ICA1: variants seen among roughly 807,000 people sequenced by gnomAD.
ICA1 encodes the protein 69 kDa islet cell autoantigen.
Under a neutral mutation model 71.0 loss-of-function variants are expected in ICA1, and 40 were observed. The ratio of observed to expected loss-of-function variants is 0.56; its 90% confidence interval spans 0.44 to 0.73. ICA1 has a LOEUF of 0.73. Ranked by LOEUF, ICA1 falls within the 30% of genes least tolerant of loss-of-function variation. ICA1 has a pLI of 0.00. For synonymous variants in ICA1, 207 were observed against 209.5 expected (o/e 0.99, Z 0.10); for missense variants, 578 against 576.5 (o/e 1.00, Z -0.03).
At chr7:8,150,136 G>A (rs1384334100) in intron 8 of ICA1, among the ~76,000 whole-genome samples, 4 of 152,136 alleles carry the variant, frequency 2.6e-5, no homozygotes, top group African/African-American at 9.7e-5. Context: ...TAATGACAAG[G>A]CACCATACTG....
chr7:8,154,591 T>A (rs1044278466), intron 8 of ICA1, among the ~76,000 whole-genome samples: 1 of 152,224 alleles, frequency 6.6e-6, no homozygotes, highest in Non-Finnish European at 1.5e-5. Context: ...GGCTATTTGC[T>A]TAGGTAAATC....
chr7:8,258,544 T>G (rs1323231975), intron 1 of ICA1, among the ~76,000 whole-genome samples: 1 of 152,202 alleles, frequency 6.6e-6, no homozygotes, highest in Non-Finnish European at 1.5e-5. Context: ...CGGAGTATCC[T>G]CGCAATACGG....
At chr7:8,211,175 C>G (rs1028839304) in intron 6 of ICA1, among the ~76,000 whole-genome samples, 3 of 152,216 alleles carry the variant, frequency 2.0e-5, no homozygotes, top group Non-Finnish European at 2.9e-5. Context: ...GAACCCACAG[C>G]TGATTTACTT....
chr7:8,244,219 C>T (rs1293616224), intron 1 of ICA1, among the ~76,000 whole-genome samples: 5 of 152,100 alleles, frequency 3.3e-5, no homozygotes, highest in African/African-American at 1.2e-4. Flanking sequence ...AGATATAGAC[C>T]AATGGAACAG....
intron 8 of ICA1, among the ~76,000 whole-genome samples, chr7:8,148,396 C>T (rs146284398): frequency 4.6e-5 from 7 of 152,082 alleles, no homozygotes; most frequent in Admixed American, 3.9e-4. Context: ...AAAGAATTAC[C>T]TTACCTTTTT....
At chr7:8,118,560 T>C (rs1785535447) in intron 13 of ICA1, among the ~76,000 whole-genome samples, 1 of 152,206 alleles carries the variant, frequency 6.6e-6, no homozygotes, top group South Asian at 2.1e-4. Flanking sequence ...TAACATAACC[T>C]CCCTGGTTCC....
At chr7:8,184,454 T>C (rs1045522202) in intron 6 of ICA1, among the ~76,000 whole-genome samples, 3 of 152,322 alleles carry the variant, frequency 2.0e-5, no homozygotes, top group Non-Finnish European at 2.9e-5. Context: ...ATTCATATCA[T>C]GGGTCATTTT....
At chr7:8,186,993 G>T (rs1784116003) in intron 6 of ICA1, among the ~76,000 whole-genome samples, 1 of 152,048 alleles carries the variant, frequency 6.6e-6, no homozygotes, top group Non-Finnish European at 1.5e-5. Context: ...TGCTTAATAT[G>T]GACCACACTC....
In ICA1 at chr7:8,258,056, A is replaced by T. The variant is rs189634724; in HGVS notation, c.-80+4038T>A. 2.2e-3 allele frequency among the ~76,000 whole-genome samples: 331 copies of T among 152,264 alleles called. 2 individuals are homozygous for T. Among genetic ancestry groups the T allele is most frequent in the African/African-American group, 7.6e-3 (314 of 41,552 alleles). ...GCTCAACTCAAGGGCAATCTCCTCC[A>T]TGAAGCATCTCAGGGTTTCTCTGCC... On this transcript the variant is annotated intron_variant, in intron 1 of 13. Transcript: ENST00000402384.
At chr7:8,212,367 C>T (rs1341592344) in intron 6 of ICA1, among the ~76,000 whole-genome samples, 2 of 152,164 alleles carry the variant, frequency 1.3e-5, no homozygotes, top group Non-Finnish European at 2.9e-5. Flanking sequence ...GAGCTTGAGA[C>T]CAGCCTGGCC....
At chr7:8,247,298 T>A (rs1322955377) in intron 1 of ICA1, among the ~76,000 whole-genome samples, 1 of 151,766 alleles carries the variant, frequency 6.6e-6, no homozygotes, top group Non-Finnish European at 1.5e-5. Context: ...AAAAAAATAA[T>A]TAGAAGAAGA....
At chr7:8,258,917 A>G (rs922496783) in intron 1 of ICA1, among the ~76,000 whole-genome samples, 29 of 152,210 alleles carry the variant, frequency 1.9e-4, no homozygotes, top group African/African-American at 6.8e-4. Context: ...TATAATATCT[A>G]CTTATCTCAA....
chr7:8,193,796 T>C (rs1786497171), intron 6 of ICA1, among the ~76,000 whole-genome samples: 3 of 152,182 alleles, frequency 2.0e-5, no homozygotes, highest in Admixed American at 2.0e-4. Context: ...AGTAATAACA[T>C]ATCTAAGCAG....
chr7:8,257,201 C>A (rs993176091), intron 1 of ICA1, among the ~76,000 whole-genome samples: 4 of 152,214 alleles, frequency 2.6e-5, no homozygotes, highest in African/African-American at 9.6e-5. Flanking sequence ...TGATTTCTTC[C>A]TTGATAGTTG....
intron 1 of ICA1, among the ~76,000 whole-genome samples, chr7:8,260,361 A>T (rs3807806): frequency 0.65 from 99,197 of 152,066 alleles, 33,462 homozygotes; most frequent in African/African-American, 0.83. Context: ...GCAGTCAGAT[A>T]GTTACTCAGG....
At chr7:8,133,829 C>G (rs1247196295) in intron 12 of ICA1, among the ~76,000 whole-genome samples, 1 of 149,294 alleles carries the variant, frequency 6.7e-6, no homozygotes, top group African/African-American at 2.5e-5. Context: ...TGATTTGTCC[C>G]AGTGAGAAAA....
At chr7:8,179,813 A>G (rs1383908382) in intron 6 of ICA1, among the ~76,000 whole-genome samples, 1 of 152,080 alleles carries the variant, frequency 6.6e-6, no homozygotes, top group Non-Finnish European at 1.5e-5. Flanking sequence ...GCTGGGAGAT[A>G]TATGTATGAA....
chr7:8,205,684 A>G (rs995928048), intron 6 of ICA1, among the ~76,000 whole-genome samples: 4 of 152,240 alleles, frequency 2.6e-5, no homozygotes, highest in Non-Finnish European at 4.4e-5. Flanking sequence ...GCTAGCAGGA[A>G]CATAAATCCT....
chr7:8,188,195 A>G (rs1394123634), intron 6 of ICA1, among the ~76,000 whole-genome samples: 2 of 152,222 alleles, frequency 1.3e-5, no homozygotes, highest in Non-Finnish European at 2.9e-5. Flanking sequence ...TAATTATCAA[A>G]CTGCTTTCAT....
Sources: allele counts gnomAD v4.1 joint callset (sites outside exome capture counted in the v4.1 genomes callset), GRCh38; gene constraint gnomAD v4.1.1; transcripts MANE v1.5; gene names NCBI Gene and HGNC (gene_info 2026-07-23, HGNC 2026-07-21).